RBM26: variants seen among roughly 807,000 people sequenced by gnomAD.
RBM26 encodes RNA binding motif protein 26, also known as RNA-binding protein 26.
RBM26 carries 30 observed loss-of-function variants against 123.6 expected under a neutral mutation model. That is an observed-to-expected ratio of 0.24 (90% CI 0.18 to 0.33). The LOEUF (loss-of-function observed/expected upper bound fraction) is 0.33, where lower values mean the gene tolerates loss of function less well. Ranked by LOEUF, RBM26 falls within the 10% of genes least tolerant of loss-of-function variation. RBM26 has a pLI of 1.00. For missense variants in RBM26, 947 were observed against 1,203.6 expected (o/e 0.79, Z 3.15); for synonymous variants, 400 against 404.4 (o/e 0.99, Z 0.13).
At chr13:79,405,666 C>T in intron 1 of RBM26, 38 bp downstream of exon 1, 1 of 1,471,736 alleles carries the variant, frequency 6.8e-7, no homozygotes, top group Non-Finnish European at 9.4e-7. Flanking sequence ...CTATCTCCCA[C>T]TGCCATCCCT....
At chr13:79,382,929 G>C (rs971895788) in intron 1 of RBM26, among the ~76,000 whole-genome samples, 1 of 4,232 alleles carries the variant, frequency 2.4e-4, no homozygotes, top group African/African-American at 7.6e-4. Flanking sequence ...TCTCAGCCTA[G>C]AGAACTGAAA....
At chr13:79,381,225 T>A (rs2077047302) in intron 1 of RBM26, among the ~76,000 whole-genome samples, 1 of 152,036 alleles carries the variant, frequency 6.6e-6, no homozygotes, top group Admixed American at 6.6e-5. Flanking sequence ...GAATCAAGAT[T>A]TAAAACTAAA....
chr13:79,323,500 T>A (rs371458894), intron 20 of RBM26, among the ~76,000 whole-genome samples: 2 of 151,612 alleles, frequency 1.3e-5, no homozygotes, highest in Non-Finnish European at 1.5e-5. Flanking sequence ...ATATGTATTT[T>A]AGTTCCAGGA....
In RBM26 at chr13:79,372,856, A is replaced by ATATTTT. The variant is rs1258836721; in HGVS notation, c.328-927_328-926insAAAATA. 2.3e-5 allele frequency among the ~76,000 whole-genome samples: 2 copies of ATATTTT among 87,266 alleles called. 1 individual carries two copies. The highest frequency in any genetic ancestry group is 8.8e-5 in the African/African-American group (2 of 22,802). 57.2% of individuals were successfully genotyped at this position (87,266 alleles called of 152,430 possible). A position where few individuals can be genotyped will look rare whatever the true frequency, so the allele number is the denominator to read the frequency against. The stretch of plus-strand genomic sequence containing the variant: ...ATATAAATATATTATATATTATATA[A>ATATTTT]ATATAAATATATTTATAATATTTTA... On this transcript the variant is annotated intron_variant, in intron 3 of 21. Transcript: ENST00000438737.
chr13:79,385,047 T>C (rs988071077), intron 1 of RBM26, among the ~76,000 whole-genome samples: 11 of 152,180 alleles, frequency 7.2e-5, no homozygotes, highest in African/African-American at 2.2e-4. Flanking sequence ...AATTTAAATA[T>C]GTTAACTGAG....
chr13:79,393,566 G>T (rs1223753527), intron 1 of RBM26, among the ~76,000 whole-genome samples: 3 of 152,170 alleles, frequency 2.0e-5, no homozygotes, highest in Non-Finnish European at 4.4e-5. Flanking sequence ...TTCCCTACTT[G>T]TAAGAGACCT....
chr13:79,395,205 G>A (rs990260147), intron 1 of RBM26, among the ~76,000 whole-genome samples: 8 of 152,126 alleles, frequency 5.3e-5, no homozygotes, highest in Non-Finnish European at 1.0e-4. Flanking sequence ...TACATGAGAC[G>A]AAACAGTCAA....
rs930135288 is a variant in RBM26, at chr13:79,322,728, T to C, written c.2821-266A>G. On this transcript the variant is annotated intron_variant, in intron 20 of 21. Transcript: ENST00000438737. ...AAGAATAATTTCTCATAATAAAATATAGCTATTTCACTACTGGCCAATATT... is the reference window on the plus strand; with the variant it reads ...AAGAATAATTTCTCATAATAAAATACAGCTATTTCACTACTGGCCAATATT... Among the ~76,000 whole-genome samples the C allele has an allele frequency of 9.9e-5, 15 of 151,528 alleles. 1 individual carries two copies. Among genetic ancestry groups the C allele is most frequent in the East Asian group, 5.8e-4 (3 of 5,188 alleles).
rs773602857 is a variant in RBM26, at chr13:79,344,635, CA to C, written c.2184+33del. The C allele has an allele frequency of 3.8e-6, 6 of 1,583,376 alleles. No individual in the cohort carries two copies. The South Asian group carries it at 5.8e-5, about 15-fold the overall frequency. ...TACACAAGGAAAGCTTTCCTATATG[CA>C]AAAATTTTTTATACTATACCAGTTG... On this transcript the variant is annotated intron_variant, in intron 15 of 21. Transcript: ENST00000438737.
intron 1 of RBM26, among the ~76,000 whole-genome samples, chr13:79,383,393 A>G (rs898883955): frequency 1.3e-5 from 2 of 152,222 alleles, no homozygotes; most frequent in African/African-American, 4.8e-5. Context: ...ACACACTACA[A>G]AAGATCTGAA....
rs188193795 is a variant in RBM26, at chr13:79,396,486, A to G, written c.71+9218T>C. ...ATAGTAAGGTTACAATGCAATGTCA[A>G]TAAATTTGGCAACTTCAGAAAAATC... On this transcript the variant is annotated intron_variant, in intron 1 of 21. Coordinates refer to ENST00000438737, the MANE Select transcript of RBM26 (RefSeq NM_001366735.2). Among the ~76,000 whole-genome samples the G allele has an allele frequency of 2.1e-3, 323 of 152,340 alleles. 1 individual carries two copies. Among genetic ancestry groups the G allele is most frequent in the Middle Eastern group, 3.4e-3 (1 of 294 alleles).
Position 79,334,473 on chromosome 13 carries a change from G to T in RBM26, c.2734-43C>A, listed in dbSNP as rs773992430. On this transcript the variant is annotated intron_variant, in intron 19 of 21. Transcript: ENST00000438737. ...AGTATTTCCTCCAAATAAATATTTTGAAATATCCAAAAATCCTAATGGTAT... is the reference window on the plus strand; with the variant it reads ...AGTATTTCCTCCAAATAAATATTTTTAAATATCCAAAAATCCTAATGGTAT... 5 of 1,104,094 alleles carry T rather than the reference G, an allele frequency of 4.5e-6. No homozygotes were observed. The African/African-American group carries it at 8.1e-5, about 18-fold the overall frequency. The allele number at this position is 1,104,094 out of a possible 1,614,324, so 68.4% of individuals were successfully genotyped here. A position where few individuals can be genotyped will look rare whatever the true frequency, so the allele number is the denominator to read the frequency against.
At chr13:79,359,465 G>A (rs886646854) in intron 10 of RBM26, 110 bp downstream of exon 10, 5 of 575,090 alleles carry the variant, frequency 8.7e-6, no homozygotes, top group African/African-American at 4.0e-5. Context: ...ATTGCTTACA[G>A]AACAGAGTAA....
chr13:79,313,218 A>C (rs868343605), exon 5 of RBM26: 3 of 151,908 alleles, frequency 2.0e-5, no homozygotes, highest in Non-Finnish European at 4.4e-5. Context: ...TGAAAACCTT[A>C]TCTCTAATCA....
chr13:79,365,982 C>T, intron 8 of RBM26, 73 bp downstream of exon 8: 3 of 1,438,452 alleles, frequency 2.1e-6, no homozygotes, highest in Admixed American at 1.8e-5. Flanking sequence ...CAGAGCAATT[C>T]TCTCTAGACA....
chr13:79,354,394 T>C, intron 13 of RBM26, 45 bp downstream of exon 13: 1 of 1,398,852 alleles, frequency 7.1e-7, no homozygotes, highest in Non-Finnish European at 9.4e-7. Flanking sequence ...GAAACTAAAT[T>C]ACTGAGAACC....
intron 20 of RBM26, among the ~76,000 whole-genome samples, chr13:79,328,683 T>TAAAAAAAAAA (rs747906560): frequency 2.6e-5 from 1 of 38,466 alleles, no homozygotes; most frequent in Non-Finnish European, 4.9e-5. Context: ...CTGCATTAAG[T>TAAAAAAAAAA]AAAAAAAAAA....
intron 14 of RBM26, among the ~76,000 whole-genome samples, chr13:79,351,450 T>TA (rs946131518): frequency 6.6e-6 from 1 of 152,068 alleles, no homozygotes; most frequent in Non-Finnish European, 1.5e-5. Flanking sequence ...CTAATCCAAG[T>TA]AAGTATTTGA....
At chr13:79,353,444 C>A (rs1375609155) in intron 13 of RBM26, among the ~76,000 whole-genome samples, 1 of 151,974 alleles carries the variant, frequency 6.6e-6, no homozygotes, top group Non-Finnish European at 1.5e-5. Flanking sequence ...ATGATGTAAA[C>A]TAAGAGGTCT....
Sources: gnomAD v4.1 joint callset for allele counts (sites outside exome capture counted in the v4.1 genomes callset) on GRCh38, gnomAD v4.1.1 for gene constraint, MANE v1.5 for transcripts, NCBI Gene and HGNC (gene_info 2026-07-23, HGNC 2026-07-21) for gene names.